Variants in OFD1 observed in about 807,000 individuals in gnomAD.
OFD1 encodes the protein OFD1 centriole and centriolar satellite protein.
A neutral mutation model predicts 81.4 loss-of-function variants in OFD1; 12 were observed. That is an observed-to-expected ratio of 0.15 (90% CI 0.09 to 0.24). The LOEUF (loss-of-function observed/expected upper bound fraction) is 0.24. OFD1 is among the 10% of genes least tolerant of loss of function. The pLI, the probability that OFD1 is intolerant of heterozygous loss-of-function variation, is 1.00. For synonymous variants in OFD1, 256 were observed against 263.7 expected (o/e 0.97, Z 0.28); for missense variants, 685 against 733.9 (o/e 0.93, Z 0.77).
At chrX:13,736,147 A>C (rs982129061) in intron 2 of OFD1, 8 of 861,407 alleles carry the variant, frequency 9.3e-6, no homozygotes, top group Middle Eastern at 5.6e-4. Flanking sequence ...TTTTTCCTAT[A>C]CTTAATATCC....
At chrX:13,752,674 C>G (rs1055175472) in intron 10 of OFD1, 7 of 966,069 alleles carry the variant, frequency 7.2e-6, no homozygotes, top group Non-Finnish European at 9.3e-6. Context: ...AGTTATGGAG[C>G]TAGTGAACTA....
intron 7 of OFD1, 83 bp from the exon 8 acceptor site, chrX:13,746,697 A>G: frequency 3.9e-6 from 3 of 769,963 alleles, no homozygotes; most frequent in Non-Finnish European, 5.8e-6. Context: ...CATTAATGTT[A>G]AACCTAGATG....
At chrX:13,717,596 G>A in the OFD1 span, among the ~76,000 whole-genome samples, 1 of 110,041 alleles carries the variant, frequency 9.1e-6, no homozygotes, top group South Asian at 3.8e-4. Context: ...AAAATTGGCC[G>A]GCTGTGGTGG....
At chrX:13,730,743 A>G (rs2046657488), upstream of OFD1, among the ~76,000 whole-genome samples, 1 of 111,564 alleles carries the variant, frequency 9.0e-6, no homozygotes, top group Admixed American at 9.5e-5. Context: ...AGCCATAAAA[A>G]AGGATGAGTT....
intron 6 of OFD1, among the ~76,000 whole-genome samples, chrX:13,745,224 CAT>C (rs1431900814): frequency 1.8e-5 from 2 of 112,065 alleles, no homozygotes; most frequent in East Asian, 2.8e-4. Context: ...CAATTAGAAA[CAT>C]ATTACTTGCT....
At chrX:13,726,689 C>T in the OFD1 span, among the ~76,000 whole-genome samples, 1 of 112,012 alleles carries the variant, frequency 8.9e-6, no homozygotes, top group African/African-American at 3.2e-5. Context: ...TATGAAGAAA[C>T]TGCATCAGTT....
intron 5 of OFD1, chrX:13,740,020 T>G (rs1008158827): frequency 1.1e-6 from 1 of 925,965 alleles, no homozygotes; most frequent in Non-Finnish European, 1.4e-6. Context: ...ACAAGGACAT[T>G]CATTTATTCA....
chrX:13,772,107 C>G (rs747245597), downstream of OFD1: 1 of 112,045 alleles, frequency 8.9e-6, no homozygotes. Context: ...AAATTTAAAG[C>G]AAATACTCAT....
the OFD1 span, among the ~76,000 whole-genome samples, chrX:13,723,231 A>T: frequency 8.9e-6 from 1 of 112,033 alleles, no homozygotes; most frequent in African/African-American, 3.2e-5. Flanking sequence ...CTAGTGGCAC[A>T]ATCTTAGCGC....
At chrX:13,767,885 GAC>G (rs1187014736) in intron 20 of OFD1, 167 bp from the exon 21 acceptor site, 1 of 457,258 alleles carries the variant, frequency 2.2e-6, no homozygotes, top group East Asian at 4.0e-5. Context: ...TCATTGAGAT[GAC>G]ATATTTGTCT....
the OFD1 span, among the ~76,000 whole-genome samples, chrX:13,723,002 G>A: frequency 9.3e-6 from 1 of 107,346 alleles, no homozygotes; most frequent in African/African-American, 3.4e-5. Flanking sequence ...GGCGGAGCCA[G>A]AAGAATGGTG....
At chrX:13,739,928 T>G in intron 5 of OFD1, 1 of 753,818 alleles carries the variant, frequency 1.3e-6, no homozygotes, top group Non-Finnish European at 1.6e-6. Flanking sequence ...ATTCTTTAGG[T>G]CTTTTAAAAT....
chrX:13,730,177 C>T (rs146773482), upstream of OFD1, among the ~76,000 whole-genome samples: 2 of 109,415 alleles, frequency 1.8e-5, no homozygotes, highest in Middle Eastern at 4.3e-3. Flanking sequence ...ACCCATCTGA[C>T]GAAGGGCTAA....
At chrX:13,726,659 T>C in the OFD1 span, among the ~76,000 whole-genome samples, 2 of 111,672 alleles carry the variant, frequency 1.8e-5, no homozygotes, top group Non-Finnish European at 3.8e-5. Flanking sequence ...ACAGGCCAAA[T>C]TGTAAAAGAC....
chrX:13,772,527 A>G (rs779850532), downstream of OFD1: 5 of 150,040 alleles, frequency 3.3e-5, no homozygotes, highest in South Asian at 1.1e-3. Flanking sequence ...ACAGGTCCTT[A>G]TTAAGGAGTC....
At chrX:13,768,568 T>G in intron 21 of OFD1, 150 bp from the exon 22 acceptor site, 2 of 520,788 alleles carry the variant, frequency 3.8e-6, no homozygotes. Flanking sequence ...CTATAGTTTA[T>G]TTTGATGTGC....
rs891861045 is a variant in OFD1, at chrX:13,756,464, G to A, written c.1222-114G>A. 5.6e-6 allele frequency: 3 copies of A among 537,433 alleles called. No homozygotes were observed. In the African/African-American group the frequency reaches 7.1e-5, roughly 13 times the overall value. The allele number at this position is 537,433 out of a possible 1,213,427, so 44.3% of individuals were successfully genotyped here. A position where few individuals can be genotyped will look rare whatever the true frequency, so the allele number is the denominator to read the frequency against. ...TCTTATTGTAGAGAATCAGACTTCT[G>A]TCTAGTGACCTTAATTAAATTGTGA... On this transcript the variant is annotated intron_variant, in intron 12 of 22. Coordinates refer to ENST00000340096, the MANE Select transcript of OFD1 (RefSeq NM_003611.3).
the OFD1 span, chrX:13,722,208 C>CAGAAAAAAAAAAAAAAAAAAAAAAAA: frequency 1.1e-4 from 4 of 36,118 alleles, no homozygotes; most frequent in Middle Eastern, 0.014. Context: ...TAAGCAGCAG[C>CAGAAAAAAAAAAAAAAAAAAAAAAAA]AAAAAAAAAA....
At chrX:13,732,673 A>G (rs1453923082), upstream of OFD1, among the ~76,000 whole-genome samples, 1 of 112,973 alleles carries the variant, frequency 8.9e-6, no homozygotes, top group Non-Finnish European at 1.9e-5. Context: ...GCTCATTTGA[A>G]GTCACTGGGA....
Sources: allele counts gnomAD v4.1 joint callset (sites outside exome capture counted in the v4.1 genomes callset), GRCh38; gene constraint gnomAD v4.1.1; transcripts MANE v1.5; gene names NCBI Gene and HGNC (gene_info 2026-07-23, HGNC 2026-07-21).